The following FUT8 variants were observed in gnomAD, a reference collection of about 807,000 sequenced individuals.
The protein encoded by FUT8 is fucosyltransferase 8, also known as alpha-(1,6)-fucosyltransferase.
A neutral mutation model predicts 71.3 loss-of-function variants in FUT8; 29 were observed. The ratio of observed to expected loss-of-function variants is 0.41; its 90% CI spans 0.30 to 0.55. The LOEUF (loss-of-function observed/expected upper bound fraction) is 0.55, where lower values mean the gene tolerates loss of function less well. FUT8 is among the 20% of genes least tolerant of loss of function. The pLI, the probability that FUT8 is intolerant of heterozygous loss-of-function variation, is 0.34. For missense variants in FUT8, 544 were observed against 702.1 expected (o/e 0.77, Z 2.55); for synonymous variants, 254 against 239.3 (o/e 1.06, Z -0.57).
At chr14:65,709,282 A>G (rs1026292435) in intron 7 of FUT8, among the ~76,000 whole-genome samples, 4 of 152,168 alleles carry the variant, frequency 2.6e-5, no homozygotes, top group Admixed American at 6.5e-5. Flanking sequence ...AATCTCTCTT[A>G]GTCTATTTCC....
chr14:65,398,792 T>G, the FUT8 span, among the ~76,000 whole-genome samples: 1 of 151,962 alleles, frequency 6.6e-6, no homozygotes, highest in Non-Finnish European at 1.5e-5. Flanking sequence ...GGCATCTACG[T>G]GTAAAAATGT....
At chr14:65,463,796 G>A (rs141571203) in intron 2 of FUT8, among the ~76,000 whole-genome samples, 1 of 152,232 alleles carries the variant, frequency 6.6e-6, no homozygotes, top group Non-Finnish European at 1.5e-5. Flanking sequence ...AGAAAATAAG[G>A]TTCCTCCAAC....
chr14:65,687,478 T>C (rs75375142), intron 7 of FUT8, among the ~76,000 whole-genome samples: 1 of 152,164 alleles, frequency 6.6e-6, no homozygotes, highest in Non-Finnish European at 1.5e-5. Context: ...ATAAAACTTT[T>C]AAGTTTAAAG....
intron 2 of FUT8, among the ~76,000 whole-genome samples, chr14:65,499,763 A>G (rs373301821): frequency 1.6e-4 from 24 of 151,344 alleles, no homozygotes; most frequent in African/African-American, 5.8e-4. Context: ...GGCTGCAGTG[A>G]TCTGTGATTG....
intron 2 of FUT8, among the ~76,000 whole-genome samples, chr14:65,543,373 A>T (rs553258188): frequency 6.6e-6 from 1 of 152,248 alleles, no homozygotes; most frequent in Admixed American, 6.5e-5. Flanking sequence ...AAATTTGGAT[A>T]ATATGTATGG....
the FUT8 span, among the ~76,000 whole-genome samples, chr14:65,405,190 A>AT: frequency 2.6e-5 from 4 of 152,256 alleles, no homozygotes; most frequent in South Asian, 6.2e-4. Context: ...CATTTTCATG[A>AT]TTTTTTTAAA....
intron 2 of FUT8, among the ~76,000 whole-genome samples, chr14:65,458,343 T>C (rs1489288664): frequency 3.3e-5 from 5 of 152,022 alleles, no homozygotes; most frequent in Admixed American, 6.6e-5. Flanking sequence ...GTCAAGTAAA[T>C]TAGAATTCTA....
In FUT8 at chr14:65,735,239, AGTT is replaced by A. The variant is rs200983711; in HGVS notation, c.1410+1861_1410+1863del. Among the ~76,000 whole-genome samples the A allele has an allele frequency of 8.0e-3, 1,222 of 151,844 alleles. 60 individuals are homozygous for A. The East Asian group carries it at 0.13, about 16-fold the overall frequency. On this transcript the variant is annotated intron_variant, in intron 10 of 10. Transcript: ENST00000673929. ...TTACTATTTTTTTTTTCCTTTTTGA[AGTT>A]GTACTTTAGAATTTTGGATCCTCAT...
At chr14:65,526,064 G>A (rs915885771) in intron 2 of FUT8, among the ~76,000 whole-genome samples, 1 of 152,188 alleles carries the variant, frequency 6.6e-6, no homozygotes, top group East Asian at 1.9e-4. Context: ...GAGTTCTGTA[G>A]ATGTCTATTA....
In FUT8 at chr14:65,611,207, GCGCGCGCGCGCGCGCGCACACACACACA is replaced by G. The variant is rs1888901187; in HGVS notation, c.204-4769_204-4742del. On this transcript the variant is annotated intron_variant, in intron 3 of 10. Transcript: ENST00000673929. ...CATACACACACACACACGCGCGCGC[GCGCGCGCGCGCGCGCGCACACACACACA>G]CACACACACACACACACACACACAC... Among the ~76,000 whole-genome samples, 19 of 2,872 alleles carry G rather than the reference GCGCGCGCGCGCGCGCGCACACACACACA, an allele frequency of 6.6e-3. 1 individual carries two copies. Among genetic ancestry groups the G allele is most frequent in the Non-Finnish European group, 0.017 (13 of 762 alleles). The allele number at this position is 2,872 out of a possible 152,430, so 1.9% of individuals were successfully genotyped here.
intron 2 of FUT8, among the ~76,000 whole-genome samples, chr14:65,548,249 T>G (rs936639936): frequency 1.3e-5 from 2 of 152,004 alleles, no homozygotes; most frequent in African/African-American, 4.8e-5. Context: ...TCCTTGTACT[T>G]TCAACTCTTG....
At chr14:65,417,690 G>C (rs1566734382) in intron 1 of FUT8, among the ~76,000 whole-genome samples, 1 of 152,126 alleles carries the variant, frequency 6.6e-6, no homozygotes, top group African/African-American at 2.4e-5. Flanking sequence ...AATACGTTTT[G>C]AATTTATAAA....
intron 2 of FUT8, among the ~76,000 whole-genome samples, chr14:65,474,143 C>T (rs1485282186): frequency 6.6e-6 from 1 of 151,612 alleles, no homozygotes; most frequent in Non-Finnish European, 1.5e-5. Context: ...GACTGAGACG[C>T]GGGGAGAATA....
intron 7 of FUT8, among the ~76,000 whole-genome samples, chr14:65,712,841 A>G (rs1303356055): frequency 2.0e-5 from 3 of 152,212 alleles, no homozygotes; most frequent in African/African-American, 7.2e-5. Flanking sequence ...CAGGCATACA[A>G]TGCATAATAA....
intron 2 of FUT8, among the ~76,000 whole-genome samples, chr14:65,551,443 T>A (rs1296513639): frequency 1.3e-5 from 2 of 152,186 alleles, no homozygotes; most frequent in Non-Finnish European, 2.9e-5. Context: ...GTTATAAAGA[T>A]AAGTCTCAGA....
chr14:65,555,528 C>T (rs1236966538), intron 2 of FUT8, among the ~76,000 whole-genome samples: 1 of 152,122 alleles, frequency 6.6e-6, no homozygotes, highest in African/African-American at 2.4e-5. Context: ...AGTATAATGA[C>T]CTGCAAATTC....
chr14:65,738,300 T>C (rs930482771), intron 10 of FUT8, among the ~76,000 whole-genome samples: 2 of 152,124 alleles, frequency 1.3e-5, no homozygotes, highest in African/African-American at 4.8e-5. Flanking sequence ...CTCCTGCCCC[T>C]ATCTATCTAT....
chr14:65,706,756 A>G (rs192579571), intron 7 of FUT8, among the ~76,000 whole-genome samples: 39 of 152,202 alleles, frequency 2.6e-4, no homozygotes, highest in Admixed American at 5.2e-4. Context: ...TAATTACCTC[A>G]CAGAGACCTC....
At chr14:65,635,289 A>C (rs1174121182) in intron 6 of FUT8, among the ~76,000 whole-genome samples, 4 of 152,188 alleles carry the variant, frequency 2.6e-5, no homozygotes, top group Non-Finnish European at 5.9e-5. Context: ...GTCAGCAAAC[A>C]GTGACGGTTT....
Sources: allele counts gnomAD v4.1 joint callset (sites outside exome capture counted in the v4.1 genomes callset), GRCh38; gene constraint gnomAD v4.1.1; transcripts MANE v1.5; gene names NCBI Gene and HGNC (gene_info 2026-07-23, HGNC 2026-07-21).